Variants in CIC observed in about 807,000 individuals in gnomAD.
CIC encodes the protein protein capicua homolog.
A neutral mutation model predicts 115.7 loss-of-function variants in CIC; 18 were observed. The observed-to-expected ratio is 0.16, with a 90% CI of 0.11 to 0.23. The LOEUF is 0.23. CIC is among the 10% of genes least tolerant of loss of function. CIC has a pLI of 1.00. For missense variants in CIC, 2,000 were observed against 2,159.3 expected, an observed-to-expected ratio of 0.93 and a Z score of 1.46; for synonymous variants, 1,076 against 923.0, an observed-to-expected ratio of 1.17 and a Z score of -3.01.
intron 2 of CIC, among the ~76,000 whole-genome samples, chr19:42,285,411 G>A (rs73033425): frequency 0.01 from 1,568 of 152,280 alleles, 11 homozygotes; most frequent in Non-Finnish European, 0.015. Context: ...AGGGCCCAGC[G>A]GGTTTTCAGG....
rs2038456958 is a variant in CIC at position 42,295,586 on chromosome 19, A to G, written c.*395A>G. 1 of 246,432 alleles carries G rather than the reference A, an allele frequency of 4.1e-6. No homozygotes were observed. Among genetic ancestry groups the G allele is most frequent in the African/African-American group, 2.2e-5 (1 of 45,354 alleles). The allele number at this position is 246,432 out of a possible 1,614,324, so 15.3% of individuals were successfully genotyped here. ...TCCCCAGAGGGGCTGGACTCAGGTT[A>G]GTTTGGGGGTGGGGGCTCCTGCACT... On this transcript the variant is annotated 3_prime_UTR_variant, in exon 21 of 21. Coordinates refer to ENST00000681038, the MANE Select transcript of CIC (RefSeq NM_001386298.1).
At position 42,291,462 on chromosome 19, in the gene CIC, C is replaced by A; in HGVS notation, c.5421C>A (p.Pro1807=). ...AGTCTGTACCCTCCGCCCCACCCCC[C>A]AAAGGTGAGACCTGGGCCGGGCAGC... The part of the protein sequence containing the change: ...ILQSVPSAPP[P]KAQSVSPVQA... The change falls in exon 11 of 21, where the codon CCC becomes CCA. Residue 1807 remains proline, a synonymous_variant. Transcript: ENST00000681038. 2 of 1,613,142 alleles carry A rather than the reference C, an allele frequency of 1.2e-6. No individual in the cohort carries two copies. The highest frequency in any genetic ancestry group is 2.2e-5 in the East Asian group (1 of 44,888).
chr19:42,274,615 C>G (rs1181939883), intron 2 of CIC, 38 bp downstream of exon 2: 1 of 398,548 alleles, frequency 2.5e-6, no homozygotes, highest in Non-Finnish European at 4.4e-6. Context: ...CCAGGCTCAC[C>G]TCGTAGAGGG....
chr19:42,284,031 G>A (rs890031195), intron 2 of CIC: 2 of 148,940 alleles, frequency 1.3e-5, no homozygotes, highest in African/African-American at 4.9e-5. Flanking sequence ...GGGGAGGCGC[G>A]GCGGGGGGAG....
At chr19:42,284,873 G>T in intron 2 of CIC, 1 of 1,042,668 alleles carries the variant, frequency 9.6e-7, no homozygotes, top group Non-Finnish European at 1.4e-6. Flanking sequence ...AACAGTAGAG[G>T]CAGAGTAAAG....
In CIC at chr19:42,292,709, C is replaced by T; in HGVS notation, c.6046C>T (p.Pro2016Ser). The T allele has an allele frequency of 1.2e-6, 2 of 1,613,862 alleles. No individual in the cohort carries two copies. Among genetic ancestry groups the T allele is most frequent in the Non-Finnish European group, 1.7e-6 (2 of 1,179,974 alleles). ...CAGCCCTGCACCCACCTCCTCAGCA[C>T]CCCTGGCCCAGCCATCCCAGGCCCC... ...SGSPAPTSSA[P>S]LAQPSQAPPS... The change falls in exon 15 of 21, where the codon CCC becomes TCC. Residue 2016 changes from proline to serine, a missense_variant. Pro to Ser is a moderately conservative substitution (Grantham distance 74). Around this residue, in one of 8 missense-constraint regions of CIC, gnomAD observed 1,466 missense variants for 1,390.4 expected, o/e 1.05. Transcript: ENST00000681038.
At position 42,292,786 on chromosome 19, in the gene CIC, C is replaced by T. The variant is rs948953152; in HGVS notation, c.6123C>T (p.Thr2041=). Residue 2041 remains threonine, a synonymous_variant, in exon 15 of 21, where the codon ACC becomes ACT. Coordinates refer to ENST00000681038, the MANE Select transcript of CIC (RefSeq NM_001386298.1). ...CCAGCACAACCCCACCTGCAGCCACCATTCTGCCCAAGGGCCCGCCAGCCC... is the reference window on the plus strand; with the variant it reads ...CCAGCACAACCCCACCTGCAGCCACTATTCTGCCCAAGGGCCCGCCAGCCC... ...VATSTTPPAA[T]ILPKGPPAPA... is the part of the protein sequence containing the mutation. 1 of 1,613,580 alleles carries T rather than the reference C, an allele frequency of 6.2e-7. No individual in the cohort carries two copies. The highest frequency in any genetic ancestry group is 8.5e-7 in the Non-Finnish European group (1 of 1,179,958).
chr19:42,294,398 C>T lies in CIC; in HGVS notation c.7054+94C>T, dbSNP rs1420113003. The T allele has an allele frequency of 1.0e-5, 16 of 1,586,334 alleles. No homozygotes were observed. In the East Asian group the frequency reaches 3.1e-4, roughly 31 times the overall value. On this transcript the variant is annotated intron_variant, in intron 19 of 20. Transcript: ENST00000681038. ...AGAGAGTGAGAGAGGTAGGGTGGGT[C>T]CATCCAGGCTGGGAGGAAGCACAGC...
At chr19:42,284,047 C>T (rs2037411927) in intron 2 of CIC, 1 of 146,488 alleles carries the variant, frequency 6.8e-6, no homozygotes, top group Non-Finnish European at 1.5e-5. Context: ...GGGAGGGGAG[C>T]GCGTAGTAGT....
chr19:42,287,650 G>A lies in CIC; in HGVS notation c.3415G>A (p.Val1139Ile), dbSNP rs2147199038. Reference sequence around the variant, plus strand: ...TCATCCCAACCAGGACAACCGGACCGTCAGCAAGATCCTGGGCGAGTGGTG... The same window carrying A: ...TCATCCCAACCAGGACAACCGGACCATCAGCAAGATCCTGGGCGAGTGGTG... ...QRHPNQDNRT[V>I]SKILGEWWYA... The change falls in exon 6 of 21, where the codon GTC (valine) becomes ATC (isoleucine). Residue 1139 changes from valine (V) to isoleucine (I), a missense_variant. Physicochemically the swap from Val to Ile is conservative, Grantham distance 29. Around this residue, in one of 8 missense-constraint regions of CIC, gnomAD observed 22 missense variants for 93.8 expected, o/e 0.23. Coordinates refer to ENST00000681038, the MANE Select transcript of CIC (RefSeq NM_001386298.1). This position sits in a 1 kb window ranked among gnomAD's most constrained non-coding sequence, Gnocchi z 8.7. 1.2e-6 allele frequency: 2 copies of A among 1,614,020 alleles called. No individual in the cohort carries two copies. The highest frequency in any genetic ancestry group is 1.7e-6 in the Non-Finnish European group (2 of 1,180,050).
Position 42,290,879 on chromosome 19 carries a change from C to T in CIC, c.4838C>T (p.Thr1613Ile), listed in dbSNP as rs770946295. 10 of 1,613,158 alleles carry T rather than the reference C, an allele frequency of 6.2e-6. No homozygotes were observed. The highest frequency in any genetic ancestry group is 6.8e-6 in the Non-Finnish European group (8 of 1,179,880). ...CGGGCTGAGGCGTCTCCAAATGACA[C>T]AGCAGGTGCCAGGACTGAAATGGGC... ...SGRAEASPNDTAGARTEMGTG... is the reference protein window; with the variant it reads ...SGRAEASPNDIAGARTEMGTG... Residue 1613 changes from threonine (T) to isoleucine (I), a missense_variant, in exon 11 of 21, where the codon ACA (threonine) becomes ATA (isoleucine). This residue lies in a region of CIC where 1,466 missense variants were observed against 1,390.4 expected (regional missense o/e 1.05). Coordinates refer to ENST00000681038, the MANE Select transcript of CIC (RefSeq NM_001386298.1).
intron 9 of CIC, among the ~76,000 whole-genome samples, 179 bp downstream of exon 9, chr19:42,289,585 C>T (rs537049277): frequency 3.9e-5 from 6 of 152,360 alleles, no homozygotes; most frequent in Admixed American, 3.9e-4. Context: ...AGGAAGCCCC[C>T]AGCCCTGCAG....
intron 2 of CIC, among the ~76,000 whole-genome samples, chr19:42,285,569 CT>C (rs536882525): frequency 5.3e-5 from 8 of 152,252 alleles, no homozygotes; most frequent in Non-Finnish European, 8.8e-5. Context: ...GAGCTCCCCC[CT>C]GTCCAGGCTT....
chr19:42,292,555 C>T lies in CIC; in HGVS notation c.5903-11C>T, dbSNP rs749663065. ...AACTTGGTCTCCTGCTTCTTCTTCTCTGTCTTTCAGCAGGCCAAGCCCCAC... is the reference window on the plus strand; with the variant it reads ...AACTTGGTCTCCTGCTTCTTCTTCTTTGTCTTTCAGCAGGCCAAGCCCCAC... On this transcript the variant is annotated splice_polypyrimidine_tract_variant and intron_variant, in intron 14 of 20. Coordinates refer to ENST00000681038, the MANE Select transcript of CIC (RefSeq NM_001386298.1). 4 of 1,612,792 alleles carry T rather than the reference C, an allele frequency of 2.5e-6. No individual in the cohort carries two copies. The Admixed American group carries it at 5.0e-5, about 20-fold the overall frequency.
intron 2 of CIC, among the ~76,000 whole-genome samples, chr19:42,281,493 G>A (rs910043989): frequency 6.6e-6 from 1 of 152,152 alleles, no homozygotes; most frequent in Non-Finnish European, 1.5e-5. Flanking sequence ...GTTGGTTAGG[G>A]GTTGGTGCAG....
rs539384322 is a variant in CIC, at chr19:42,292,383, C to T, written c.5819C>T (p.Ser1940Leu). 7 of 1,612,796 alleles carry T rather than the reference C, an allele frequency of 4.3e-6. No homozygotes were observed. Among genetic ancestry groups the T allele is most frequent in the African/African-American group, 1.3e-5 (1 of 75,036 alleles). The change falls in exon 14 of 21, where the codon TCG (serine) becomes TTG (leucine). Residue 1940 changes from serine (S) to leucine (L), a missense_variant. Physicochemically the swap from Ser to Leu is moderately radical, Grantham distance 145. Around this residue, in one of 8 missense-constraint regions of CIC, gnomAD observed 1,466 missense variants for 1,390.4 expected, o/e 1.05. Transcript: ENST00000681038. ...TCCAGCCAGGCTGGAACAGTCACCT[C>T]GTACGGGCCCACGAGCTCTGTAGCT... ...PASSQAGTVT[S>L]YGPTSSVALG...
At position 42,287,931 on chromosome 19, in the gene CIC, G is replaced by T; in HGVS notation, c.3614G>T (p.Arg1205Leu). 6.2e-7 allele frequency: 1 copy of T among 1,606,448 alleles called. No homozygotes were observed. Among genetic ancestry groups the T allele is most frequent in the Non-Finnish European group, 8.5e-7 (1 of 1,176,866 alleles). Residue 1205 changes from arginine (R) to leucine (L), a missense_variant, in exon 7 of 21, where the codon CGG becomes CTG. Physicochemically the swap from Arg to Leu is moderately radical, Grantham distance 102 (BLOSUM62 -2). Around this residue, in one of 8 missense-constraint regions of CIC, gnomAD observed 38 missense variants for 50.3 expected, o/e 0.76. Coordinates refer to ENST00000681038, the MANE Select transcript of CIC (RefSeq NM_001386298.1). This position sits in a 1 kb window ranked among gnomAD's most constrained non-coding sequence, Gnocchi z 8.7. ...LGLAGGHKET[R>L]ERSMSETGTA... ...CTGGCAGGAGGGCACAAGGAGACGCGGGAGCGGAGCATGTCGGAGACGGGC... is the reference window on the plus strand; with the variant it reads ...CTGGCAGGAGGGCACAAGGAGACGCTGGAGCGGAGCATGTCGGAGACGGGC...
In CIC at chr19:42,295,210, C is replaced by G; in HGVS notation, c.*19C>G. On this transcript the variant is annotated 3_prime_UTR_variant, in exon 21 of 21. Coordinates refer to ENST00000681038, the MANE Select transcript of CIC (RefSeq NM_001386298.1). ...CAGGTGAGGGACCCCTGAGAAGATG[C>G]CAGGACTTATAGTACCCCCTCAGGA... is the stretch of plus-strand genomic sequence containing the variant. The G allele has an allele frequency of 2.0e-6, 3 of 1,491,670 alleles. No homozygotes were observed. Among genetic ancestry groups the G allele is most frequent in the Non-Finnish European group, 2.7e-6 (3 of 1,120,568 alleles). 92.4% of individuals were successfully genotyped at this position (1,491,670 alleles called of 1,614,324 possible). A position where few individuals can be genotyped will look rare whatever the true frequency, so the allele number is the denominator to read the frequency against.
At position 42,294,096 on chromosome 19, in the gene CIC, G is replaced by A. The variant is rs201572277; in HGVS notation, c.6922+7G>A. 45 of 1,613,508 alleles carry A rather than the reference G, an allele frequency of 2.8e-5. No homozygotes were observed. Among genetic ancestry groups the A allele is most frequent in the African/African-American group, 4.0e-5 (3 of 74,918 alleles). On this transcript the variant is annotated splice_region_variant and intron_variant, in intron 18 of 20. Transcript: ENST00000681038. ...AAGAGGAAGAACTCCACGGGTAGGC[G>A]AGCATTGGGCACCCAGGGTCCTTAG...
Sources: gnomAD v4.1 joint callset for allele counts (sites outside exome capture counted in the v4.1 genomes callset) on GRCh38, gnomAD v4.1.1 for gene constraint, gnomAD v4.1.1 regional missense constraint, Gnocchi (gnomAD v3.1) non-coding constraint, MANE v1.5 for transcripts, NCBI Gene and HGNC (gene_info 2026-07-23, HGNC 2026-07-21) for gene names.